Variants in NXPH1 observed in about 807,000 individuals in gnomAD.
NXPH1 encodes neurexophilin 1.
NXPH1 carries 5 observed loss-of-function variants against 23.7 expected under a neutral mutation model. That is an observed-to-expected ratio of 0.21 (90% CI 0.11 to 0.44). The LOEUF (loss-of-function observed/expected upper bound fraction) is 0.44, where lower values mean the gene tolerates loss of function less well. Among genes scored for constraint, NXPH1 ranks in the 20% least tolerant of loss-of-function variants. NXPH1 has a pLI of 0.99. For synonymous variants in NXPH1, 144 were observed against 122.2 expected (o/e 1.18, Z -1.18); for missense variants, 324 against 321.6 (o/e 1.01, Z -0.06).
In NXPH1 at chr7:8,599,971, T is replaced by C. The variant is rs188766548; in HGVS notation, c.55-151037T>C. ...GAGGAAGAGCTTAAGAAATGAAAGA[T>C]GTGGGATTGTGGGAGTGAGAATTAT... On this transcript the variant is annotated intron_variant, in intron 2 of 2. Coordinates refer to ENST00000405863, the MANE Select transcript of NXPH1 (RefSeq NM_152745.3). Among the ~76,000 whole-genome samples, 595 of 152,130 alleles carry C rather than the reference T, an allele frequency of 3.9e-3. 3 individuals are homozygous for C. The highest frequency in any genetic ancestry group is 6.4e-3 in the Admixed American group (98 of 15,262).
intron 2 of NXPH1, among the ~76,000 whole-genome samples, chr7:8,609,023 C>T (rs942296154): frequency 2.6e-5 from 4 of 152,078 alleles, no homozygotes; most frequent in African/African-American, 7.2e-5. Context: ...AATTTTATCC[C>T]AGCTTAAATG....
Position 8,433,986 on chromosome 7 carries a change from G to C in NXPH1, c.-880G>C, listed in dbSNP as rs745649022. On this transcript the variant is annotated 5_prime_UTR_variant, in exon 1 of 3. Coordinates refer to ENST00000405863, the MANE Select transcript of NXPH1 (RefSeq NM_152745.3). The surrounding 1 kb of genome is among the most constrained non-coding windows in gnomAD (Gnocchi z 6.8). ...TTGTCCGTGTCAGGAAGGTAGGCGT[G>C]CCAAGCCGCGGCTCTGCGGAGAAAC... 1.6e-4 allele frequency: 24 copies of C among 152,306 alleles called. No homozygotes were observed. Among genetic ancestry groups the C allele is most frequent in the African/African-American group, 5.8e-4 (24 of 41,456 alleles). The allele number at this position is 152,306 out of a possible 1,614,324, so 9.4% of individuals were successfully genotyped here.
At chr7:8,712,202 G>T (rs746155545) in intron 2 of NXPH1, among the ~76,000 whole-genome samples, 5 of 152,198 alleles carry the variant, frequency 3.3e-5, no homozygotes, top group Non-Finnish European at 7.3e-5. Flanking sequence ...CCCTAAATCA[G>T]TGTTGAACTC....
chr7:8,554,476 T>A (rs928610441), intron 2 of NXPH1, among the ~76,000 whole-genome samples: 1 of 151,644 alleles, frequency 6.6e-6, no homozygotes, highest in African/African-American at 2.4e-5. Context: ...TGTGAGTGGG[T>A]AAATGAGCTG....
At chr7:8,488,724 T>C (rs138277175) in intron 2 of NXPH1, among the ~76,000 whole-genome samples, 15 of 152,278 alleles carry the variant, frequency 9.9e-5, no homozygotes, top group East Asian at 7.7e-4. Context: ...TAAATCTACA[T>C]TGAGTTTCTA....
chr7:8,732,613 A>G (rs113902999), intron 2 of NXPH1, among the ~76,000 whole-genome samples: 3,808 of 152,284 alleles, frequency 0.025, 80 homozygotes, highest in Middle Eastern at 0.1. Context: ...TGTTTTAGCA[A>G]AGAAATAGTC....
chr7:8,567,796 G>A (rs1274063612), intron 2 of NXPH1, among the ~76,000 whole-genome samples: 1 of 151,770 alleles, frequency 6.6e-6, no homozygotes, highest in Non-Finnish European at 1.5e-5. Context: ...TTAGTTAAAG[G>A]AGAACATATG....
chr7:8,583,085 G>T (rs904871815), intron 2 of NXPH1, among the ~76,000 whole-genome samples: 1 of 152,222 alleles, frequency 6.6e-6, no homozygotes, highest in African/African-American at 2.4e-5. Flanking sequence ...CAGTGCCCAG[G>T]CTTGGTGACA....
chr7:8,458,843 G>C (rs904500147), intron 2 of NXPH1, among the ~76,000 whole-genome samples: 2 of 152,132 alleles, frequency 1.3e-5, no homozygotes, highest in African/African-American at 4.8e-5. Flanking sequence ...AAATTTAGTA[G>C]GTTGAAATGA....
intron 2 of NXPH1, among the ~76,000 whole-genome samples, chr7:8,615,401 G>A (rs1208816721): frequency 6.6e-6 from 1 of 151,994 alleles, no homozygotes; most frequent in Non-Finnish European, 1.5e-5. Flanking sequence ...GTTGTTGAGA[G>A]GATTCGATGG....
chr7:8,671,112 T>C (rs1253416923), intron 2 of NXPH1, among the ~76,000 whole-genome samples: 2 of 152,198 alleles, frequency 1.3e-5, no homozygotes, highest in Non-Finnish European at 2.9e-5. Context: ...TCAGATTACT[T>C]TTTAAGGCAA....
chr7:8,604,658 T>A (rs1308965415), intron 2 of NXPH1, among the ~76,000 whole-genome samples: 2 of 152,178 alleles, frequency 1.3e-5, no homozygotes, highest in African/African-American at 2.4e-5. Context: ...TCATACTATA[T>A]ATGCCTTATT....
chr7:8,502,410 A>T (rs1252589886), intron 2 of NXPH1, among the ~76,000 whole-genome samples: 2 of 152,000 alleles, frequency 1.3e-5, no homozygotes, highest in African/African-American at 4.8e-5. Context: ...AATTTAACAA[A>T]CATTCATAAA....
intron 2 of NXPH1, among the ~76,000 whole-genome samples, chr7:8,716,667 G>A (rs1428630671): frequency 1.3e-5 from 2 of 152,136 alleles, no homozygotes; most frequent in Non-Finnish European, 2.9e-5. Flanking sequence ...GGTGTTAAAA[G>A]GGTATTACTG....
intron 2 of NXPH1, among the ~76,000 whole-genome samples, chr7:8,618,876 T>C (rs1819803497): frequency 6.6e-6 from 1 of 152,226 alleles, no homozygotes; most frequent in African/African-American, 2.4e-5. Context: ...GCTAATTATG[T>C]GTGCTGCAAT....
intron 2 of NXPH1, among the ~76,000 whole-genome samples, chr7:8,734,176 A>T (rs1240309625): frequency 6.6e-6 from 1 of 152,146 alleles, no homozygotes; most frequent in East Asian, 1.9e-4. Flanking sequence ...CAAAGATCAG[A>T]TGGTTGTAGA....
At chr7:8,449,214 G>A (rs1816461084) in intron 2 of NXPH1, among the ~76,000 whole-genome samples, 1 of 152,210 alleles carries the variant, frequency 6.6e-6, no homozygotes, top group South Asian at 2.1e-4. Flanking sequence ...AAACAGTTTG[G>A]TGGAATGAGA....
intron 2 of NXPH1, among the ~76,000 whole-genome samples, chr7:8,582,268 T>A (rs923724944): frequency 2.6e-5 from 4 of 152,188 alleles, no homozygotes; most frequent in Admixed American, 2.6e-4. Context: ...CTGGTTGCCT[T>A]CTCATTGACC....
At chr7:8,485,364 T>G (rs1032899453) in intron 2 of NXPH1, among the ~76,000 whole-genome samples, 1 of 152,264 alleles carries the variant, frequency 6.6e-6, no homozygotes, top group East Asian at 1.9e-4. Context: ...GTCTTGGGTA[T>G]GTCTTTATTA....
Sources: gnomAD v4.1 joint callset for allele counts (sites outside exome capture counted in the v4.1 genomes callset) on GRCh38, gnomAD v4.1.1 for gene constraint, Gnocchi (gnomAD v3.1) non-coding constraint, MANE v1.5 for transcripts, NCBI Gene and HGNC (gene_info 2026-07-23, HGNC 2026-07-21) for gene names.